LINGO1: variants seen among roughly 807,000 people sequenced by gnomAD.
LINGO1 encodes leucine-rich repeat and immunoglobulin-like domain-containing nogo receptor-interacting protein 1.
In LINGO1, 11 loss-of-function variants were observed where a neutral mutation model predicts 37.3. The ratio of observed to expected loss-of-function variants is 0.29; its 90% confidence interval spans 0.19 to 0.49. LINGO1 has a LOEUF of 0.49. Among genes scored for constraint, LINGO1 ranks in the 20% least tolerant of loss-of-function variants. The probability of loss-of-function intolerance (pLI) is 0.99; values close to 1 mark genes in which losing one functional copy is unlikely to be tolerated. For synonymous variants in LINGO1, 387 were observed against 403.0 expected (o/e 0.96, Z 0.48); for missense variants, 585 against 878.2 (o/e 0.67, Z 4.22).
At chr15:77,699,511 CA>C (rs1312721670), upstream of LINGO1, among the ~76,000 whole-genome samples, 1 of 12,782 alleles carries the variant, frequency 7.8e-5, no homozygotes, top group Non-Finnish European at 1.5e-4. Flanking sequence ...ACACAATAAG[CA>C]CATACTATTA....
At chr15:77,819,547 CGCCCCCACT>C (rs1403384564) in intron 1 of LINGO1, 1 of 148,532 alleles carries the variant, frequency 6.7e-6, no homozygotes, top group Non-Finnish European at 1.5e-5. Flanking sequence ...CTCTACCGCG[CGCCCCCACT>C]GCCCGGCGCC....
intron 3 of LINGO1, among the ~76,000 whole-genome samples, chr15:77,655,850 C>T (rs1338412400): frequency 6.6e-6 from 1 of 152,234 alleles, no homozygotes; most frequent in East Asian, 1.9e-4. Flanking sequence ...TTCTCGCCCT[C>T]CTCCCAGCCT....
intron 1 of LINGO1, among the ~76,000 whole-genome samples, chr15:77,767,136 C>T (rs2076538096): frequency 6.6e-6 from 1 of 152,110 alleles, no homozygotes; most frequent in East Asian, 1.9e-4. Context: ...TGACCCTCAT[C>T]AAGACAGAGA....
intron 2 of LINGO1, among the ~76,000 whole-genome samples, chr15:77,685,691 T>TAAAA (rs74752846): frequency 4.6e-4 from 63 of 137,704 alleles, no homozygotes; most frequent in African/African-American, 9.7e-4. Flanking sequence ...GACCCCGTCT[T>TAAAA]AAAAAAAAAA....
At chr15:77,739,023 G>C (rs913718663) in intron 1 of LINGO1, among the ~76,000 whole-genome samples, 5 of 152,232 alleles carry the variant, frequency 3.3e-5, no homozygotes, top group African/African-American at 1.2e-4. Context: ...CAGCAGTGGG[G>C]CCCCAGCCTC....
Position 77,615,037 on chromosome 15 carries a change from G to A in LINGO1, c.870C>T (p.Arg290=). Residue 290 remains arginine, a synonymous_variant, in exon 2 of 2, where the codon CGC becomes CGT. Transcript: ENST00000355300. ...TGGGGTTGTAGGAGAGGTTGAGGAA[G>A]CGGAGATAGACTAGGTGGCGGACGG... is the stretch of plus-strand genomic sequence containing the variant. ...YLAVRHLVYL[R]FLNLSYNPIS... The A allele has an allele frequency of 1.2e-6, 2 of 1,614,062 alleles. No individual in the cohort carries two copies. Among genetic ancestry groups the A allele is most frequent in the Non-Finnish European group, 1.7e-6 (2 of 1,179,900 alleles).
intron 1 of LINGO1, among the ~76,000 whole-genome samples, chr15:77,803,325 C>G (rs537253845): frequency 6.6e-6 from 1 of 152,188 alleles, no homozygotes; most frequent in East Asian, 1.9e-4. Context: ...GCACACACCT[C>G]TAGTCCCAGC....
intron 1 of LINGO1, among the ~76,000 whole-genome samples, chr15:77,772,687 AT>A (rs146593292): frequency 0.17 from 25,260 of 152,162 alleles, 2,571 homozygotes; most frequent in Admixed American, 0.31. Flanking sequence ...AAAAAGGTCC[AT>A]TAACACATTT....
At chr15:77,635,438 A>G (rs1179794295), upstream of LINGO1, among the ~76,000 whole-genome samples, 2 of 152,104 alleles carry the variant, frequency 1.3e-5, no homozygotes, top group South Asian at 2.1e-4. Flanking sequence ...TTACCTCTGC[A>G]TGAGCTGTGG....
chr15:77,710,980 C>G (rs77338412), intron 2 of LINGO1, among the ~76,000 whole-genome samples: 1 of 152,218 alleles, frequency 6.6e-6, no homozygotes, highest in Non-Finnish European at 1.5e-5. Context: ...GGAGGCAGCC[C>G]GCACGGCCTT....
At chr15:77,639,426 T>A (rs954512894) in intron 3 of LINGO1, among the ~76,000 whole-genome samples, 1 of 151,938 alleles carries the variant, frequency 6.6e-6, no homozygotes. Flanking sequence ...GGGCAAGGAA[T>A]GGCCCGGCAA....
intron 3 of LINGO1, among the ~76,000 whole-genome samples, chr15:77,664,867 C>T (rs1002187629): frequency 4.6e-5 from 7 of 152,204 alleles, no homozygotes; most frequent in Non-Finnish European, 1.0e-4. Context: ...GTGGCAGGGG[C>T]TCTTGTACAC....
chr15:77,615,267 G>C lies in LINGO1; in HGVS notation c.640C>G (p.Leu214Val), dbSNP rs778223479. 8.1e-5 allele frequency: 130 copies of C among 1,613,760 alleles called. No homozygotes were observed. Among genetic ancestry groups the C allele is most frequent in the Non-Finnish European group, 1.1e-4 (125 of 1,179,910 alleles). ...AGCCTCAGGACGATGAGGCCGTGCA[G>C]GTGGGACAGCGCCTCGGTGGGGATG... is the stretch of plus-strand genomic sequence containing the variant. The part of the protein sequence containing the change: ...TSIPTEALSH[L>V]HGLIVLRLRH... Residue 214 changes from leucine (L) to valine (V), a missense_variant, in exon 2 of 2, where the codon CTG (leucine) becomes GTG (valine). By Grantham distance (32) the Leu-to-Val change is conservative. Coordinates refer to ENST00000355300, the MANE Select transcript of LINGO1 (RefSeq NM_032808.7).
At chr15:77,806,687 G>A (rs951292709) in intron 1 of LINGO1, among the ~76,000 whole-genome samples, 2 of 152,106 alleles carry the variant, frequency 1.3e-5, no homozygotes, top group Non-Finnish European at 2.9e-5. Context: ...TGCTTCCTCA[G>A]ATACTCTAGG....
chr15:77,818,604 G>A lies in LINGO1; in HGVS notation c.-458+1654C>T, dbSNP rs538911312. Among the ~76,000 whole-genome samples, 12 of 152,256 alleles carry A rather than the reference G, an allele frequency of 7.9e-5. No homozygotes were observed. The East Asian group carries it at 1.8e-3, about 22-fold the overall frequency. ...CCCTTCTTCCAGCCACCGTCCTGAG[G>A]AGCAGAAGGCGCGGGGACACACACA... On this transcript the variant is annotated intron_variant, in intron 1 of 5. Coordinates refer to the LINGO1 transcript ENST00000562933.
At chr15:77,646,780 G>C (rs1241155969) in intron 3 of LINGO1, among the ~76,000 whole-genome samples, 1 of 152,200 alleles carries the variant, frequency 6.6e-6, no homozygotes, top group Non-Finnish European at 1.5e-5. Context: ...AGCCAGGGAG[G>C]GTGGGCTCTT....
At chr15:77,769,731 C>T (rs971522601) in intron 1 of LINGO1, among the ~76,000 whole-genome samples, 1 of 152,122 alleles carries the variant, frequency 6.6e-6, no homozygotes, top group Non-Finnish European at 1.5e-5. Context: ...TCACCTCATG[C>T]CCCAACCCCA....
At chr15:77,630,254 C>T (rs575090077) in intron 1 of LINGO1, among the ~76,000 whole-genome samples, 5 of 152,206 alleles carry the variant, frequency 3.3e-5, no homozygotes, top group East Asian at 1.9e-4. Context: ...GGACCCTGCA[C>T]GAATGACTGC....
In LINGO1 at chr15:77,623,835, T is replaced by TGTGTGTGTGTGAGTGGC. The variant is rs2073999386; in HGVS notation, c.7-7952_7-7936dup. ...TTGTTGGGCCCCCGGGGTGTCTGTG[T>TGTGTGTGTGTGAGTGGC]GTGTGTGTGTGAGTGGCCTGTGTGT... On this transcript the variant is annotated intron_variant, in intron 1 of 1. Transcript: ENST00000355300. Among the ~76,000 whole-genome samples, 8 of 151,638 alleles carry TGTGTGTGTGTGAGTGGC rather than the reference T, an allele frequency of 5.3e-5. No homozygotes were observed. In the South Asian group the frequency reaches 1.5e-3, roughly 28 times the overall value.
Sources: gnomAD v4.1 joint callset for allele counts (sites outside exome capture counted in the v4.1 genomes callset) on GRCh38, gnomAD v4.1.1 for gene constraint, MANE v1.5 for transcripts, NCBI Gene and HGNC (gene_info 2026-07-23, HGNC 2026-07-21) for gene names.